Variants in GRIA3 observed in about 807,000 individuals in gnomAD.
GRIA3 encodes glutamate ionotropic receptor AMPA type subunit 3, also known as glutamate receptor 3.
In GRIA3, 3 loss-of-function variants were observed where a neutral mutation model predicts 63.0. The ratio of observed to expected loss-of-function variants is 0.05; its 90% CI spans 0.02 to 0.12. The LOEUF is 0.12. Among genes scored for constraint, GRIA3 ranks in the 10% least tolerant of loss-of-function variants. The probability of loss-of-function intolerance (pLI) is 1.00; values close to 1 mark genes in which losing one functional copy is unlikely to be tolerated. For missense variants in GRIA3, 347 were observed against 700.9 expected, an observed-to-expected ratio of 0.50 and a Z score of 5.70; for synonymous variants, 274 against 257.9, an observed-to-expected ratio of 1.06 and a Z score of -0.60.
chrX:123,204,808 C>G, intron 2 of GRIA3: 1 of 294,280 alleles, frequency 3.4e-6, no homozygotes, highest in Non-Finnish European at 5.3e-6. Context: ...CAGCTTTGAC[C>G]TGGAAATCCC....
intron 14 of GRIA3, among the ~76,000 whole-genome samples, chrX:123,480,584 CTT>C (rs1347124646): frequency 8.9e-6 from 1 of 112,223 alleles, no homozygotes; most frequent in African/African-American, 3.2e-5. Flanking sequence ...GTGTCAGAGA[CTT>C]TGTAGTTATA....
At chrX:123,413,191 G>T (rs370887631) in intron 10 of GRIA3, among the ~76,000 whole-genome samples, 5 of 110,610 alleles carry the variant, frequency 4.5e-5, no homozygotes, top group East Asian at 5.7e-4. Flanking sequence ...TTTTAAAGGG[G>T]TCAAGATTCT....
At chrX:123,281,725 T>A (rs1403143566) in intron 3 of GRIA3, among the ~76,000 whole-genome samples, 1 of 111,780 alleles carries the variant, frequency 8.9e-6, no homozygotes, top group Non-Finnish European at 1.9e-5. Context: ...GAAAATTGCC[T>A]GCTCCACCAA....
chrX:123,314,895 A>G (rs1025525468), intron 3 of GRIA3, among the ~76,000 whole-genome samples: 2 of 112,064 alleles, frequency 1.8e-5, no homozygotes, highest in African/African-American at 6.5e-5. Context: ...TACTTGATCA[A>G]TCACTTACGG....
chrX:123,383,189 G>A (rs1283780092), intron 5 of GRIA3, among the ~76,000 whole-genome samples: 1 of 112,331 alleles, frequency 8.9e-6, no homozygotes, highest in Non-Finnish European at 1.9e-5. Flanking sequence ...TAGGGTATAT[G>A]TGATATATTG....
chrX:123,268,372 C>T (rs1189647037), intron 3 of GRIA3, among the ~76,000 whole-genome samples: 6 of 110,373 alleles, frequency 5.4e-5, no homozygotes, highest in Admixed American at 2.9e-4. Context: ...GAAAGAATTA[C>T]TGGTTTTCAT....
intron 3 of GRIA3, among the ~76,000 whole-genome samples, chrX:123,307,464 T>C (rs894152545): frequency 1.4e-4 from 16 of 112,020 alleles, no homozygotes; most frequent in Non-Finnish European, 2.4e-4. Context: ...GAATGTATTC[T>C]TTGGGAACAA....
chrX:123,231,029 GCAGTGAGCAAATTGCTAGTCTTTT>G (rs2044273381), intron 2 of GRIA3, among the ~76,000 whole-genome samples: 1 of 112,179 alleles, frequency 8.9e-6, no homozygotes, highest in Non-Finnish European at 1.9e-5. Context: ...AGTGAATTCT[GCAGTGAGCAAATTGCTAGTCTTTT>G]CAGAAACAAA....
At chrX:123,250,082 C>A (rs1344697513) in intron 2 of GRIA3, among the ~76,000 whole-genome samples, 1 of 110,611 alleles carries the variant, frequency 9.0e-6, no homozygotes, top group Non-Finnish European at 1.9e-5. Flanking sequence ...TTTTTTAAAA[C>A]CAAGGTAATA....
At chrX:123,195,950 T>C (rs1055781063) in intron 2 of GRIA3, among the ~76,000 whole-genome samples, 3 of 111,689 alleles carry the variant, frequency 2.7e-5, no homozygotes, top group African/African-American at 9.8e-5. Context: ...GAGTGCCAGC[T>C]TGACTCTAAC....
intron 10 of GRIA3, among the ~76,000 whole-genome samples, chrX:123,408,570 G>A (rs1308516037): frequency 1.8e-5 from 2 of 112,057 alleles, no homozygotes; most frequent in African/African-American, 3.2e-5. Flanking sequence ...GTGAGTGAGG[G>A]AGCTTGAGTA....
chrX:123,366,046 G>A (rs908325669), intron 5 of GRIA3, among the ~76,000 whole-genome samples: 1 of 111,520 alleles, frequency 9.0e-6, no homozygotes, highest in African/African-American at 3.3e-5. Context: ...ACATTGCCAC[G>A]GCATTTGTAA....
At chrX:123,198,650 G>A (rs180981040) in intron 2 of GRIA3, among the ~76,000 whole-genome samples, 37 of 111,097 alleles carry the variant, frequency 3.3e-4, no homozygotes, top group African/African-American at 1.1e-3. Flanking sequence ...AAAAAAGTGG[G>A]GAAAGAAAGA....
intron 4 of GRIA3, among the ~76,000 whole-genome samples, chrX:123,343,045 A>T (rs1290667991): frequency 1.8e-5 from 2 of 111,690 alleles, no homozygotes; most frequent in Non-Finnish European, 3.8e-5. Flanking sequence ...TCAGCCTGTG[A>T]GGCATGAGAC....
intron 15 of GRIA3, among the ~76,000 whole-genome samples, chrX:123,484,064 G>C (rs371720984): frequency 8.9e-6 from 1 of 111,837 alleles, no homozygotes; most frequent in Admixed American, 9.4e-5. Context: ...GAGTTCTTTT[G>C]TTGTCCCTTC....
chrX:123,285,705 C>T (rs1415369728), intron 3 of GRIA3, among the ~76,000 whole-genome samples: 1 of 108,279 alleles, frequency 9.2e-6, no homozygotes, highest in Non-Finnish European at 1.9e-5. Context: ...ATCAATGCAA[C>T]AAGAAGAGCT....
At chrX:123,259,529 A>C (rs1424310384) in intron 3 of GRIA3, among the ~76,000 whole-genome samples, 1 of 109,187 alleles carries the variant, frequency 9.2e-6, no homozygotes, top group Non-Finnish European at 1.9e-5. Context: ...ACACACACAC[A>C]CCTCAATACC....
chrX:123,336,718 G>C (rs980814787), intron 4 of GRIA3, among the ~76,000 whole-genome samples: 15 of 111,812 alleles, frequency 1.3e-4, no homozygotes, highest in Admixed American at 5.7e-4. Context: ...AAGGACTCCA[G>C]TATTAAGCCA....
At chrX:123,315,369 T>C (rs2044824242) in intron 3 of GRIA3, among the ~76,000 whole-genome samples, 1 of 112,138 alleles carries the variant, frequency 8.9e-6, no homozygotes, top group Admixed American at 9.4e-5. Context: ...CATATCAAAC[T>C]CTTCACACAC....
Sources: gnomAD v4.1 joint callset for allele counts (sites outside exome capture counted in the v4.1 genomes callset) on GRCh38, gnomAD v4.1.1 for gene constraint, MANE v1.5 for transcripts, NCBI Gene and HGNC (gene_info 2026-07-23, HGNC 2026-07-21) for gene names.